STAG1: variants seen among roughly 807,000 people sequenced by gnomAD.
STAG1 encodes the protein cohesin subunit SA-1.
A neutral mutation model predicts 170.9 loss-of-function variants in STAG1; 26 were observed. The ratio of observed to expected loss-of-function variants is 0.15; its 90% CI spans 0.11 to 0.21. STAG1 has a LOEUF of 0.21. Ranked by LOEUF, STAG1 falls within the 10% of genes least tolerant of loss-of-function variation. The pLI is 1.00. For synonymous variants in STAG1, 514 were observed against 497.7 expected (o/e 1.03, Z -0.44); for missense variants, 964 against 1,509.5 (o/e 0.64, Z 5.99).
chr3:136,451,174 A>T (rs2088929669), intron 14 of STAG1, among the ~76,000 whole-genome samples: 3 of 151,998 alleles, frequency 2.0e-5, no homozygotes. Flanking sequence ...TATATTAAAA[A>T]AAAAAAAACC....
At chr3:136,474,735 G>A (rs2089702774) in intron 10 of STAG1, among the ~76,000 whole-genome samples, 1 of 152,184 alleles carries the variant, frequency 6.6e-6, no homozygotes, top group African/African-American at 2.4e-5. Context: ...AAGTGCCTGT[G>A]GCAGGTGCTG....
chr3:136,538,757 T>G (rs1052761482), intron 6 of STAG1, among the ~76,000 whole-genome samples: 2 of 152,284 alleles, frequency 1.3e-5, no homozygotes, highest in East Asian at 3.9e-4. Flanking sequence ...TCTCGTACGT[T>G]AAAAACTATG....
chr3:136,488,456 G>A (rs181963118), intron 9 of STAG1, among the ~76,000 whole-genome samples: 3 of 152,358 alleles, frequency 2.0e-5, no homozygotes, highest in African/African-American at 4.8e-5. Flanking sequence ...AAGTTTGGGA[G>A]TAATTTGTTA....
intron 4 of STAG1, among the ~76,000 whole-genome samples, chr3:136,583,022 T>G (rs747077337): frequency 3.3e-5 from 5 of 152,214 alleles, no homozygotes; most frequent in African/African-American, 4.8e-5. Flanking sequence ...CTGCTATGCT[T>G]CTTCTCTATA....
intron 1 of STAG1, among the ~76,000 whole-genome samples, chr3:136,666,569 G>C (rs938117077): frequency 5.9e-5 from 9 of 152,272 alleles, no homozygotes; most frequent in African/African-American, 2.2e-4. Context: ...TGTAATCCTA[G>C]CACTTTGGGA....
chr3:136,440,766 G>C (rs2088606609), intron 15 of STAG1, among the ~76,000 whole-genome samples: 1 of 152,058 alleles, frequency 6.6e-6, no homozygotes, highest in East Asian at 2.0e-4. Flanking sequence ...GAGGTGGGAG[G>C]ACTACTTGAG....
At chr3:136,662,914 G>A (rs1409241943) in intron 1 of STAG1, among the ~76,000 whole-genome samples, 1 of 152,134 alleles carries the variant, frequency 6.6e-6, no homozygotes, top group Non-Finnish European at 1.5e-5. Flanking sequence ...AGCCAAGCAT[G>A]GTGGCAGGCG....
intron 7 of STAG1, among the ~76,000 whole-genome samples, chr3:136,519,841 T>C (rs1188167927): frequency 1.3e-5 from 2 of 152,130 alleles, no homozygotes; most frequent in Non-Finnish European, 2.9e-5. Context: ...GTATGAACTG[T>C]GTCTGATGTA....
chr3:136,732,750 C>T (rs537921191), intron 1 of STAG1, among the ~76,000 whole-genome samples: 1 of 152,238 alleles, frequency 6.6e-6, no homozygotes, highest in South Asian at 2.1e-4. Context: ...GCTGGGATTA[C>T]AGGTGCCCAC....
intron 23 of STAG1, among the ~76,000 whole-genome samples, chr3:136,374,984 A>G (rs1335269939): frequency 6.6e-6 from 1 of 152,140 alleles, no homozygotes; most frequent in African/African-American, 2.4e-5. Flanking sequence ...TATTATAATT[A>G]TCTATACTAC....
intron 1 of STAG1, among the ~76,000 whole-genome samples, chr3:136,655,822 G>A (rs962098823): frequency 6.6e-6 from 1 of 151,816 alleles, no homozygotes; most frequent in Non-Finnish European, 1.5e-5. Context: ...TATACTGTTG[G>A]TGGGGATGTA....
At chr3:136,673,761 G>C (rs1942044622) in intron 1 of STAG1, among the ~76,000 whole-genome samples, 1 of 151,940 alleles carries the variant, frequency 6.6e-6, no homozygotes, top group African/African-American at 2.4e-5. Context: ...TGCTAAATGT[G>C]GAACAATCTG....
At chr3:136,683,269 T>A (rs1342339675) in intron 1 of STAG1, among the ~76,000 whole-genome samples, 1 of 21,726 alleles carries the variant, frequency 4.6e-5, no homozygotes, top group Admixed American at 2.7e-4. Context: ...TTCAACACAA[T>A]TTTTTTTTTT....
At chr3:136,583,862 A>G (rs1374524084) in intron 4 of STAG1, among the ~76,000 whole-genome samples, 1 of 152,176 alleles carries the variant, frequency 6.6e-6, no homozygotes, top group African/African-American at 2.4e-5. Flanking sequence ...TTATAAGGAA[A>G]CTAGGGGAGG....
chr3:136,542,701 A>G (rs1935967046), intron 5 of STAG1, among the ~76,000 whole-genome samples: 1 of 151,784 alleles, frequency 6.6e-6, no homozygotes. Context: ...GAAAGCCTAT[A>G]TGCTCATAAA....
At chr3:136,537,887 A>T (rs542529857) in intron 6 of STAG1, among the ~76,000 whole-genome samples, 1 of 152,228 alleles carries the variant, frequency 6.6e-6, no homozygotes, top group Admixed American at 6.5e-5. Context: ...TGAGCATGTG[A>T]TCATAAGGAA....
At chr3:136,571,569 A>G (rs1359084013) in intron 4 of STAG1, among the ~76,000 whole-genome samples, 1 of 151,984 alleles carries the variant, frequency 6.6e-6, no homozygotes, top group African/African-American at 2.4e-5. Context: ...ACCCTGTCAA[A>G]ATACAAACAA....
chr3:136,607,059 C>T (rs1433642441), intron 3 of STAG1, among the ~76,000 whole-genome samples: 1 of 151,836 alleles, frequency 6.6e-6, no homozygotes, highest in South Asian at 2.1e-4. Context: ...CAGTAACATG[C>T]CATTTTTATC....
intron 26 of STAG1, among the ~76,000 whole-genome samples, chr3:136,360,297 A>G (rs922647882): frequency 2.0e-5 from 3 of 152,170 alleles, no homozygotes; most frequent in African/African-American, 7.2e-5. Flanking sequence ...TCGCCTGCTC[A>G]ATAGTTTTGC....
Sources: gnomAD v4.1 joint callset for allele counts (sites outside exome capture counted in the v4.1 genomes callset) on GRCh38, gnomAD v4.1.1 for gene constraint, MANE v1.5 for transcripts, NCBI Gene and HGNC (gene_info 2026-07-23, HGNC 2026-07-21) for gene names.